MSANTD2: variants seen among roughly 807,000 people sequenced by gnomAD.
The protein encoded by MSANTD2 is myb/SANT-like DNA-binding domain-containing protein 2.
Under a neutral mutation model 52.6 loss-of-function variants are expected in MSANTD2, and 19 were observed. The observed-to-expected ratio is 0.36, with a 90% CI of 0.25 to 0.53. The LOEUF (loss-of-function observed/expected upper bound fraction) is 0.53, where lower values mean the gene tolerates loss of function less well. MSANTD2 is among the 20% of genes least tolerant of loss of function. The pLI, the probability that MSANTD2 is intolerant of heterozygous loss-of-function variation, is 0.91. For missense variants in MSANTD2, 558 were observed against 716.3 expected, an observed-to-expected ratio of 0.78 and a Z score of 2.52; for synonymous variants, 291 against 289.7, an observed-to-expected ratio of 1.00 and a Z score of -0.04.
At chr11:124,785,214 T>C (rs1945119170) in intron 1 of MSANTD2, among the ~76,000 whole-genome samples, 1 of 152,242 alleles carries the variant, frequency 6.6e-6, no homozygotes, top group African/African-American at 2.4e-5. Context: ...TTTCCTTACA[T>C]GGCTCAACGT....
chr11:124,785,741 G>A (rs776072431), intron 1 of MSANTD2, among the ~76,000 whole-genome samples: 3 of 151,670 alleles, frequency 2.0e-5, no homozygotes, highest in Non-Finnish European at 2.9e-5. Flanking sequence ...TGGGTAGCAT[G>A]TTATATATAT....
chr11:124,799,969 T>C lies in MSANTD2; in HGVS notation c.412A>G (p.Ser138Gly). 1 of 1,585,336 alleles carries C rather than the reference T, an allele frequency of 6.3e-7. No homozygotes were observed. The highest frequency in any genetic ancestry group is 8.5e-7 in the Non-Finnish European group (1 of 1,174,844). ...TACATGGCTGGCCCGGGGGCCTTGC[T>C]GCCGAACACCGTGCCGGCTCCCTCC... ...QLEGAGTVFG[S>G]KAPGPAMYER... is the part of the protein sequence containing the mutation. The change falls in exon 1 of 4, where the codon AGC becomes GGC. Residue 138 changes from serine to glycine, a missense_variant. Ser to Gly is a moderately conservative substitution (Grantham distance 56). Coordinates refer to ENST00000374979, the MANE Select transcript of MSANTD2 (RefSeq NM_001308027.2).
intron 3 of MSANTD2, among the ~76,000 whole-genome samples, chr11:124,770,409 C>G (rs192112206): frequency 1.3e-4 from 19 of 151,970 alleles, no homozygotes; most frequent in African/African-American, 4.8e-5. Context: ...AGTAACCCCC[C>G]ACCTCAGCCT....
At chr11:124,791,286 C>T (rs1945325633) in intron 1 of MSANTD2, 6 of 1,455,044 alleles carry the variant, frequency 4.1e-6, no homozygotes, top group Non-Finnish European at 5.8e-6. Context: ...CCATGCCCTC[C>T]TAGAACTGTC....
intron 1 of MSANTD2, chr11:124,784,481 AAC>A (rs537489809): frequency 4.0e-4 from 338 of 854,144 alleles, no homozygotes; most frequent in Non-Finnish European, 4.1e-4. Context: ...CTAAAAATTA[AAC>A]CCCCCCCCCG....
rs889523528 is a variant in MSANTD2, at chr11:124,774,725, C to T, written c.760G>A (p.Glu254Lys). Residue 254 changes from glutamate (E) to lysine (K), a missense_variant, in exon 2 of 4, where the codon GAA (glutamate) becomes AAA (lysine). Physicochemically the swap from Glu to Lys is moderately conservative, Grantham distance 56 (BLOSUM62 1). Coordinates refer to ENST00000374979, the MANE Select transcript of MSANTD2 (RefSeq NM_001308027.2). This position sits in a 1 kb window ranked among gnomAD's most constrained non-coding sequence, Gnocchi z 5.1. ...QDLHGYPTDQELDEIPVTKRT... is the reference protein window; with the variant it reads ...QDLHGYPTDQKLDEIPVTKRT... ...TATATGTTGGCTTTCTTACCCAATTCCTGATCTGTTGGATAGCCATGGAGA... is the reference window on the plus strand; with the variant it reads ...TATATGTTGGCTTTCTTACCCAATTTCTGATCTGTTGGATAGCCATGGAGA... 6.2e-7 allele frequency: 1 copy of T among 1,613,950 alleles called. No homozygotes were observed. Among genetic ancestry groups the T allele is most frequent in the African/African-American group, 1.3e-5 (1 of 75,026 alleles).
At chr11:124,799,124 A>G (rs1945592213) in intron 1 of MSANTD2, among the ~76,000 whole-genome samples, 1 of 152,218 alleles carries the variant, frequency 6.6e-6, no homozygotes, top group Non-Finnish European at 1.5e-5. Flanking sequence ...AAACTGAAGC[A>G]GGGAAAAACT....
intron 1 of MSANTD2, chr11:124,790,003 T>C (rs1945280334): frequency 6.6e-6 from 1 of 152,244 alleles, no homozygotes; most frequent in South Asian, 2.1e-4. Context: ...AGTCTGTTGT[T>C]TTTGAAACTC....
chr11:124,772,176 T>C (rs1053549441), intron 3 of MSANTD2, among the ~76,000 whole-genome samples: 19 of 152,170 alleles, frequency 1.2e-4, no homozygotes, highest in Non-Finnish European at 5.9e-5. Flanking sequence ...TCTCCAAATG[T>C]ATAATAGGTC....
chr11:124,778,583 T>C (rs766197929), intron 1 of MSANTD2, among the ~76,000 whole-genome samples: 8 of 152,102 alleles, frequency 5.3e-5, no homozygotes, highest in Admixed American at 2.6e-4. Flanking sequence ...AACAACTTGA[T>C]CGGTGGTCAA....
In MSANTD2 at chr11:124,774,748, A is replaced by G; in HGVS notation, c.737T>C (p.Leu246Pro). ...QEDWGNHSQD[L>P]HGYPTDQELD... ...TTCCTGATCTGTTGGATAGCCATGG[A>G]GATCCTGACTGTGGTTTCCCCAGTC... The change falls in exon 2 of 4, where the codon CTC becomes CCC. Residue 246 changes from leucine to proline, a missense_variant. Leu to Pro is a moderately conservative substitution (Grantham distance 98). Around this residue, in one of 2 missense-constraint regions of MSANTD2, gnomAD observed 408 missense variants for 573.6 expected, o/e 0.71. Coordinates refer to ENST00000374979, the MANE Select transcript of MSANTD2 (RefSeq NM_001308027.2). The surrounding 1 kb of genome is among the most constrained non-coding windows in gnomAD (Gnocchi z 5.1). The G allele has an allele frequency of 2.5e-6, 4 of 1,614,174 alleles. No homozygotes were observed. Among genetic ancestry groups the G allele is most frequent in the Non-Finnish European group, 3.4e-6 (4 of 1,180,036 alleles).
intron 1 of MSANTD2, among the ~76,000 whole-genome samples, chr11:124,788,318 AG>A (rs1255209923): frequency 6.6e-6 from 1 of 152,110 alleles, no homozygotes; most frequent in Non-Finnish European, 1.5e-5. Flanking sequence ...ATGCTCTTGG[AG>A]TTAAACAAAA....
chr11:124,770,780 G>GTTTT (rs1054956993), intron 3 of MSANTD2, among the ~76,000 whole-genome samples: 5 of 132,204 alleles, frequency 3.8e-5, no homozygotes, highest in African/African-American at 5.5e-5. Flanking sequence ...TAATTTTTTG[G>GTTTT]TTTTTTTTTT....
At chr11:124,787,804 A>G (rs1452473193) in intron 1 of MSANTD2, among the ~76,000 whole-genome samples, 1 of 152,094 alleles carries the variant, frequency 6.6e-6, no homozygotes, top group East Asian at 1.9e-4. Flanking sequence ...TTCTTCCTTT[A>G]TAGATAAAAG....
Position 124,789,409 on chromosome 11 carries a change from ATATC to A in MSANTD2, c.510+10458_510+10461del, listed in dbSNP as rs552664356. 1.8e-3 allele frequency: 268 copies of A among 152,366 alleles called. 1 individual carries two copies. The highest frequency in any genetic ancestry group is 6.3e-3 in the African/African-American group (261 of 41,588). 9.4% of individuals were successfully genotyped at this position (152,366 alleles called of 1,614,324 possible). On this transcript the variant is annotated intron_variant, in intron 1 of 3. Transcript: ENST00000374979. Reference sequence around the variant, plus strand: ...GGCTGAGAAAATGCAACTAGAAAGCATATCTAAGTAAACAACTTCTACTATTGTT... The same window carrying A: ...GGCTGAGAAAATGCAACTAGAAAGCATAAGTAAACAACTTCTACTATTGTT...
At chr11:124,787,709 A>G (rs1200375867) in intron 1 of MSANTD2, among the ~76,000 whole-genome samples, 1 of 152,224 alleles carries the variant, frequency 6.6e-6, no homozygotes, top group African/African-American at 2.4e-5. Context: ...TACCTATGAA[A>G]ATAAACATCT....
chr11:124,777,193 C>T (rs1355270359), intron 1 of MSANTD2, among the ~76,000 whole-genome samples: 1 of 152,188 alleles, frequency 6.6e-6, no homozygotes, highest in East Asian at 1.9e-4. Flanking sequence ...CTTTTCAACT[C>T]CTCCAAGGAC....
chr11:124,767,405 G>A lies in MSANTD2; in HGVS notation c.1451C>T (p.Thr484Ile). 6.2e-7 allele frequency: 1 copy of A among 1,614,186 alleles called. No homozygotes were observed. Residue 484 changes from threonine to isoleucine, a missense_variant, in exon 4 of 4, where the codon ACT becomes ATT. Around this residue, in one of 2 missense-constraint regions of MSANTD2, gnomAD observed 408 missense variants for 573.6 expected, o/e 0.71. Transcript: ENST00000374979. The surrounding 1 kb of genome is among the most constrained non-coding windows in gnomAD (Gnocchi z 6.5). Reference protein sequence around the residue: ...YCYLGIAEVRTLQQCLFLHFQ... With the variant: ...YCYLGIAEVRILQQCLFLHFQ... ...ATGTAAAAATAAGCACTGCTGTAGA[G>A]TCCTGACCTCAGCAATCCCGAGGTA...
chr11:124,775,123 A>G lies in MSANTD2; in HGVS notation c.511-149T>C, dbSNP rs1944689117. The G allele has an allele frequency of 4.5e-6, 3 of 673,662 alleles. No individual in the cohort carries two copies. In the South Asian group the frequency reaches 7.5e-5, roughly 17 times the overall value. 41.7% of individuals were successfully genotyped at this position (673,662 alleles called of 1,614,324 possible). ...TGCTAGATTTCAAATTCATTATTAT[A>G]TTAGAAAAAAATACTAATTTAGCAT... On this transcript the variant is annotated intron_variant, in intron 1 of 3. Coordinates refer to ENST00000374979, the MANE Select transcript of MSANTD2 (RefSeq NM_001308027.2).
Sources: gnomAD v4.1 joint callset for allele counts (sites outside exome capture counted in the v4.1 genomes callset) on GRCh38, gnomAD v4.1.1 for gene constraint, gnomAD v4.1.1 regional missense constraint, Gnocchi (gnomAD v3.1) non-coding constraint, MANE v1.5 for transcripts, NCBI Gene and HGNC (gene_info 2026-07-23, HGNC 2026-07-21) for gene names.